PCDH11X: variants seen among roughly 807,000 people sequenced by gnomAD.
PCDH11X encodes the protein protocadherin-11 X-linked.
PCDH11X carries 18 observed loss-of-function variants against 53.3 expected under a neutral mutation model. That is an observed-to-expected ratio of 0.34 (90% CI 0.23 to 0.50). PCDH11X has a LOEUF of 0.50. Among genes scored for constraint, PCDH11X ranks in the 20% least tolerant of loss-of-function variants. PCDH11X has a pLI of 0.98. For synonymous variants in PCDH11X, 279 were observed against 393.3 expected, an observed-to-expected ratio of 0.71 and a Z score of 3.44; for missense variants, 570 against 1,032.4, an observed-to-expected ratio of 0.55 and a Z score of 6.14.
chrX:92,411,827 A>G (rs1453771082), intron 9 of PCDH11X, among the ~76,000 whole-genome samples: 1 of 103,050 alleles, frequency 9.7e-6, no homozygotes, highest in Non-Finnish European at 2.0e-5. Flanking sequence ...TAAACAAGGT[A>G]TGCTATTGGT....
chrX:91,891,266 A>G (rs1683), intron 6 of PCDH11X, among the ~76,000 whole-genome samples: 26,902 of 77,334 alleles, frequency 0.35, 5,885 homozygotes, highest in East Asian at 0.51. Context: ...TACAGTGTGT[A>G]TAATCTGTAT....
chrX:91,799,777 A>G (rs1252488519), intron 1 of PCDH11X, among the ~76,000 whole-genome samples: 3 of 112,358 alleles, frequency 2.7e-5, no homozygotes, highest in Non-Finnish European at 3.8e-5. Flanking sequence ...AGGGAGATTG[A>G]ACTGATACCT....
chrX:91,932,510 C>A, intron 6 of PCDH11X, among the ~76,000 whole-genome samples: 1 of 97,965 alleles, frequency 1.0e-5, no homozygotes. Flanking sequence ...AAAAGAGAGG[C>A]CGAGAGAGAG....
At chrX:92,485,848 C>G (rs2073630272) in intron 10 of PCDH11X, among the ~76,000 whole-genome samples, 1 of 111,057 alleles carries the variant, frequency 9.0e-6, no homozygotes, top group South Asian at 3.8e-4. Flanking sequence ...ATTTGGGTAG[C>G]TTTATTAAAG....
chrX:92,609,811 C>G (rs1927180551), intron 10 of PCDH11X, among the ~76,000 whole-genome samples: 1 of 110,651 alleles, frequency 9.0e-6, no homozygotes, highest in Admixed American at 9.7e-5. Context: ...CATGAGTACC[C>G]AATGTTTAGC....
chrX:92,173,761 A>G (rs1350570233), intron 6 of PCDH11X, among the ~76,000 whole-genome samples: 1 of 108,385 alleles, frequency 9.2e-6, no homozygotes, highest in Non-Finnish European at 1.9e-5. Flanking sequence ...AGGCAGGAAT[A>G]TTGCTTGAGC....
chrX:92,364,772 G>C (rs1257760710), intron 8 of PCDH11X, among the ~76,000 whole-genome samples: 1 of 102,409 alleles, frequency 9.8e-6, no homozygotes, highest in Non-Finnish European at 2.0e-5. Context: ...GCACAGTGGT[G>C]GGCACCTGTA....
chrX:92,309,655 TTA>T (rs1224013391), intron 8 of PCDH11X, among the ~76,000 whole-genome samples: 3 of 112,103 alleles, frequency 2.7e-5, no homozygotes, highest in South Asian at 3.7e-4. Context: ...ATTGTAAATT[TTA>T]TGTTATATTT....
intron 4 of PCDH11X, among the ~76,000 whole-genome samples, chrX:91,821,464 G>A (rs940710088): frequency 9.0e-6 from 1 of 110,780 alleles, no homozygotes; most frequent in Non-Finnish European, 1.9e-5. Flanking sequence ...TCATCATTTG[G>A]CTCTCTATTT....
chrX:92,354,695 T>A (rs1235936732), intron 8 of PCDH11X, among the ~76,000 whole-genome samples: 1 of 111,706 alleles, frequency 9.0e-6, no homozygotes, highest in African/African-American at 3.3e-5. Flanking sequence ...ATGTAGGATT[T>A]TTTTTTCATC....
intron 10 of PCDH11X, among the ~76,000 whole-genome samples, chrX:92,554,497 C>A (rs1233077752): frequency 9.1e-6 from 1 of 110,382 alleles, no homozygotes; most frequent in East Asian, 2.8e-4. Context: ...CCCTTAGAAT[C>A]AGAGGGACTT....
At chrX:92,566,801 T>G (rs1038362124) in intron 10 of PCDH11X, among the ~76,000 whole-genome samples, 1 of 111,868 alleles carries the variant, frequency 8.9e-6, no homozygotes, top group Non-Finnish European at 1.9e-5. Flanking sequence ...ATGAACTTTT[T>G]ATTGAGTTGT....
intron 9 of PCDH11X, among the ~76,000 whole-genome samples, chrX:92,419,692 TTTTTTTG>T (rs2071912098): frequency 2.5e-5 from 2 of 80,218 alleles, no homozygotes; most frequent in African/African-American, 9.3e-5. Context: ...TTTTTTTTTT[TTTTTTTG>T]AGATGATTCT....
chrX:92,335,468 C>T (rs1009477101), intron 8 of PCDH11X, among the ~76,000 whole-genome samples: 3 of 108,028 alleles, frequency 2.8e-5, no homozygotes, highest in Non-Finnish European at 1.9e-5. Flanking sequence ...AAAATCAAGG[C>T]GTTTGAAGGA....
intron 1 of PCDH11X, among the ~76,000 whole-genome samples, chrX:91,793,287 G>T (rs972169046): frequency 2.8e-5 from 3 of 107,482 alleles, no homozygotes; most frequent in Non-Finnish European, 5.8e-5. Context: ...AATAATATTT[G>T]TTTTATCAGC....
chrX:92,438,682 G>A (rs2072445785), intron 9 of PCDH11X, among the ~76,000 whole-genome samples: 1 of 111,525 alleles, frequency 9.0e-6, no homozygotes, highest in Non-Finnish European at 1.9e-5. Context: ...CAGAGAAGGA[G>A]TTGAACCAGC....
intron 6 of PCDH11X, among the ~76,000 whole-genome samples, chrX:92,064,121 C>A (rs1451621686): frequency 2.3e-5 from 2 of 86,520 alleles, no homozygotes; most frequent in Non-Finnish European, 4.4e-5. Context: ...CTTGGGTGAA[C>A]TTGTGTAGGT....
intron 7 of PCDH11X, among the ~76,000 whole-genome samples, chrX:92,259,301 G>T (rs2067663898): frequency 9.0e-6 from 1 of 110,878 alleles, no homozygotes; most frequent in African/African-American, 3.3e-5. Context: ...CGGAGACTGG[G>T]TGATTTATAA....
intron 9 of PCDH11X, chrX:92,460,265 C>A: frequency 1.2e-6 from 1 of 855,242 alleles, no homozygotes; most frequent in Non-Finnish European, 1.7e-6. Flanking sequence ...CAGCTGGAGA[C>A]AGAGATTGAG....
Sources: allele counts gnomAD v4.1 joint callset (sites outside exome capture counted in the v4.1 genomes callset), GRCh38; gene constraint gnomAD v4.1.1; transcripts MANE v1.5; gene names NCBI Gene and HGNC (gene_info 2026-07-23, HGNC 2026-07-21).